The following SPOCK1 variants were observed in gnomAD, a reference collection of about 807,000 sequenced individuals.
SPOCK1 encodes SPARC (osteonectin), cwcv and kazal like domains proteoglycan 1.
SPOCK1 carries 23 observed loss-of-function variants against 55.3 expected under a neutral mutation model. The observed-to-expected ratio is 0.42, with a 90% CI of 0.30 to 0.59. The LOEUF (loss-of-function observed/expected upper bound fraction) is 0.59. Among genes scored for constraint, SPOCK1 ranks in the 20% least tolerant of loss-of-function variants. The pLI, the probability that SPOCK1 is intolerant of heterozygous loss-of-function variation, is 0.22. For missense variants in SPOCK1, 499 were observed against 552.5 expected, an observed-to-expected ratio of 0.90 and a Z score of 0.97; for synonymous variants, 226 against 221.0, an observed-to-expected ratio of 1.02 and a Z score of -0.20.
chr5:137,335,372 A>G (rs1053055951), intron 2 of SPOCK1, among the ~76,000 whole-genome samples: 1 of 152,186 alleles, frequency 6.6e-6, no homozygotes, highest in Non-Finnish European at 1.5e-5. Flanking sequence ...ATATGCCAAA[A>G]TGTTTATAGT....
chr5:137,213,847 C>T (rs7708792), intron 3 of SPOCK1, among the ~76,000 whole-genome samples: 4 of 152,170 alleles, frequency 2.6e-5, no homozygotes, highest in Admixed American at 1.3e-4. Flanking sequence ...GCCCTGGAAC[C>T]AAATCTTGCC....
chr5:137,420,701 G>T (rs994602284), intron 2 of SPOCK1, among the ~76,000 whole-genome samples: 4 of 152,226 alleles, frequency 2.6e-5, no homozygotes, highest in East Asian at 3.9e-4. Flanking sequence ...TTCTTTATGA[G>T]TCTTGCTAGT....
rs17170961 is a variant in SPOCK1 at position 137,099,025 on chromosome 5, T to C, written c.474+13410A>G. On this transcript the variant is annotated intron_variant, in intron 5 of 10. Coordinates refer to ENST00000394945, the MANE Select transcript of SPOCK1 (RefSeq NM_004598.4). ...CAAAGGGATGTTAAAATCCAGGACA[T>C]GCTTCAAGTACAGACTTTCTTCAGG... 6.4e-3 allele frequency among the ~76,000 whole-genome samples: 978 copies of C among 152,328 alleles called. 14 individuals carry two copies. Among genetic ancestry groups the C allele is most frequent in the African/African-American group, 0.022 (905 of 41,572 alleles).
intron 6 of SPOCK1, among the ~76,000 whole-genome samples, chr5:137,042,410 G>A (rs1354932779): frequency 6.6e-6 from 1 of 152,148 alleles, no homozygotes; most frequent in African/African-American, 2.4e-5. Context: ...GAATTAGTGA[G>A]AACCTACAGA....
intron 2 of SPOCK1, among the ~76,000 whole-genome samples, chr5:137,334,461 G>A (rs890192575): frequency 6.6e-6 from 1 of 152,254 alleles, no homozygotes; most frequent in African/African-American, 2.4e-5. Flanking sequence ...TAGTGCAAAC[G>A]GAGAGCAAAA....
chr5:137,424,522 C>A (rs1182709211), intron 2 of SPOCK1, among the ~76,000 whole-genome samples: 1 of 152,152 alleles, frequency 6.6e-6, no homozygotes, highest in Non-Finnish European at 1.5e-5. Flanking sequence ...CATTCATTGC[C>A]ATGAATGCTC....
intron 2 of SPOCK1, among the ~76,000 whole-genome samples, chr5:137,399,134 G>A (rs774536955): frequency 2.0e-5 from 3 of 152,078 alleles, no homozygotes; most frequent in Non-Finnish European, 4.4e-5. Flanking sequence ...TCTACTTTTC[G>A]AGTCACAGTA....
At chr5:136,992,826 TTGGATGGCCTC>T (rs1750974006) in intron 6 of SPOCK1, 1 of 443,322 alleles carries the variant, frequency 2.3e-6, no homozygotes, top group Non-Finnish European at 4.0e-6. Context: ...GAACTTGAAT[TTGGATGGCCTC>T]TGTGCTGTGA....
At chr5:137,389,031 T>A (rs1343273422) in intron 2 of SPOCK1, among the ~76,000 whole-genome samples, 1 of 152,126 alleles carries the variant, frequency 6.6e-6, no homozygotes, top group Non-Finnish European at 1.5e-5. Context: ...CAAAGACCAA[T>A]CAAGACAGGA....
intron 5 of SPOCK1, among the ~76,000 whole-genome samples, chr5:137,087,184 C>A (rs1413802970): frequency 6.6e-6 from 1 of 152,178 alleles, no homozygotes; most frequent in Non-Finnish European, 1.5e-5. Context: ...CTTTCCCTCC[C>A]ATCTGATGAA....
chr5:137,316,838 T>A (rs1360971485), intron 2 of SPOCK1, among the ~76,000 whole-genome samples: 1 of 152,220 alleles, frequency 6.6e-6, no homozygotes, highest in Non-Finnish European at 1.5e-5. Context: ...ACAGTTAGAA[T>A]AACACCATTT....
chr5:137,268,035 T>C (rs1278545539), intron 2 of SPOCK1, among the ~76,000 whole-genome samples: 2 of 152,258 alleles, frequency 1.3e-5, no homozygotes, highest in Admixed American at 1.3e-4. Flanking sequence ...AGCCTCAATA[T>C]CTCTTCTGGT....
chr5:137,338,498 T>C (rs1384714064), intron 2 of SPOCK1, among the ~76,000 whole-genome samples: 5 of 152,112 alleles, frequency 3.3e-5, no homozygotes, highest in Admixed American at 2.0e-4. Flanking sequence ...TGTGTCTTTA[T>C]AGCAGCATGA....
chr5:137,340,090 G>GAA (rs5871634), intron 2 of SPOCK1, among the ~76,000 whole-genome samples: 9 of 148,394 alleles, frequency 6.1e-5, no homozygotes, highest in Non-Finnish European at 7.5e-5. Context: ...CTATTTCAAA[G>GAA]AAAAAAAAAA....
chr5:137,239,950 T>C (rs1756252657), intron 3 of SPOCK1, among the ~76,000 whole-genome samples: 1 of 152,194 alleles, frequency 6.6e-6, no homozygotes, highest in Non-Finnish European at 1.5e-5. Flanking sequence ...CCAACACAGC[T>C]CAGAAAGCTA....
chr5:137,127,001 G>C (rs1203139426), intron 4 of SPOCK1, among the ~76,000 whole-genome samples: 1 of 152,174 alleles, frequency 6.6e-6, no homozygotes, highest in Non-Finnish European at 1.5e-5. Flanking sequence ...TAAGGATTTA[G>C]AAAGTTCTCA....
chr5:137,330,060 T>G (rs1203510858), intron 2 of SPOCK1, among the ~76,000 whole-genome samples: 2 of 152,142 alleles, frequency 1.3e-5, no homozygotes, highest in Non-Finnish European at 2.9e-5. Flanking sequence ...CTGCCAGGCC[T>G]CCCACCAGGC....
At chr5:137,484,909 T>C (rs1018829863) in intron 2 of SPOCK1, among the ~76,000 whole-genome samples, 1 of 152,160 alleles carries the variant, frequency 6.6e-6, no homozygotes, top group African/African-American at 2.4e-5. Flanking sequence ...TATGTTGTGT[T>C]GTTACATGAA....
chr5:137,065,088 C>T (rs769426221), intron 6 of SPOCK1, among the ~76,000 whole-genome samples: 11 of 151,918 alleles, frequency 7.2e-5, no homozygotes, highest in Admixed American at 6.6e-5. Flanking sequence ...ATCAGCTAGG[C>T]GTGGTGGTGC....
Sources: gnomAD v4.1 joint callset for allele counts (sites outside exome capture counted in the v4.1 genomes callset) on GRCh38, gnomAD v4.1.1 for gene constraint, MANE v1.5 for transcripts, NCBI Gene and HGNC (gene_info 2026-07-23, HGNC 2026-07-21) for gene names.